Variants in ANKRD63 observed in about 807,000 individuals in gnomAD.
The protein encoded by ANKRD63 is ankyrin repeat domain-containing protein 63.
A neutral mutation model predicts 21.2 loss-of-function variants in ANKRD63; 18 were observed. The ratio of observed to expected loss-of-function variants is 0.85; its 90% CI spans 0.59 to 1.26. The LOEUF is 1.26. Among genes scored for constraint, ANKRD63 ranks in the 50% most tolerant of loss-of-function variants. The pLI, the probability that ANKRD63 is intolerant of heterozygous loss-of-function variation, is 0.00. For missense variants in ANKRD63, 523 were observed against 570.9 expected (o/e 0.92, Z 0.85); for synonymous variants, 322 against 273.3 (o/e 1.18, Z -1.76).
In ANKRD63 at chr15:40,281,980, T is replaced by G; in HGVS notation, c.607A>C (p.Ser203Arg). The change falls in exon 1 of 1, where the codon AGC (serine) becomes CGC (arginine). Residue 203 changes from serine to arginine, a missense_variant. Around this residue, in one of 2 missense-constraint regions of ANKRD63, gnomAD observed 308 missense variants for 290.4 expected, o/e 1.06. Transcript: ENST00000434396. ...SPPGRPAPAA[S>R]PEHRRPSPRR... The stretch of plus-strand genomic sequence containing the variant: ...GGGCTGGGTCGTCGATGCTCGGGGC[T>G]GGCCGCGGGGGCCGGGCGGCCAGGG... 1 of 1,222,030 alleles carries G rather than the reference T, an allele frequency of 8.2e-7. No homozygotes were observed. The highest frequency in any genetic ancestry group is 1.0e-6 in the Non-Finnish European group (1 of 983,238). The allele number at this position is 1,222,030 out of a possible 1,614,324, so 75.7% of individuals were successfully genotyped here.
At position 40,282,575 on chromosome 15, in the gene ANKRD63, G is replaced by A; in HGVS notation, c.12C>T (p.Pro4=). The A allele has an allele frequency of 7.0e-7, 1 of 1,428,438 alleles. No homozygotes were observed. The highest frequency in any genetic ancestry group is 9.1e-7 in the Non-Finnish European group (1 of 1,095,642). The allele number at this position is 1,428,438 out of a possible 1,614,324, so 88.5% of individuals were successfully genotyped here. Residue 4 remains proline (P), a synonymous_variant, in exon 1 of 1, where the codon CCC becomes CCT. Transcript: ENST00000434396. ...TCCCCGCTCGGGGGCACAGGTCCTT[G>A]GGTTTGAGCATGGCCCCGGCCGCCG... MLK[P]KDLCPRAGTR... is the part of the protein sequence containing the mutation.
rs975274966 is a variant in ANKRD63, at chr15:40,281,857, G to A, written c.730C>T (p.Arg244Trp). The A allele has an allele frequency of 2.7e-6, 4 of 1,507,644 alleles. No homozygotes were observed. The highest frequency in any genetic ancestry group is 1.8e-6 in the Non-Finnish European group (2 of 1,135,172). The allele number at this position is 1,507,644 out of a possible 1,614,324, so 93.4% of individuals were successfully genotyped here. Residue 244 changes from arginine (R) to tryptophan (W), a missense_variant, in exon 1 of 1, where the codon CGG (arginine) becomes TGG (tryptophan). Physicochemically the swap from Arg to Trp is moderately radical, Grantham distance 101 (BLOSUM62 -3). Coordinates refer to ENST00000434396, the MANE Select transcript of ANKRD63 (RefSeq NM_001190479.3). ...TCGGGCCGTTCGCTGCCCTGCGCCCGGTGCCGGCCCGAATTCTTGCCCGCT... is the reference window on the plus strand; with the variant it reads ...TCGGGCCGTTCGCTGCCCTGCGCCCAGTGCCGGCCCGAATTCTTGCCCGCT... ...GSAGKNSGRH[R>W]AQGSERPELG...
rs7180770 is a variant in ANKRD63 at position 40,281,204 on chromosome 15, C to T, written c.*240G>A. On this transcript the variant is annotated 3_prime_UTR_variant, in exon 1 of 1. Coordinates refer to ENST00000434396, the MANE Select transcript of ANKRD63 (RefSeq NM_001190479.3). Reference sequence around the variant, plus strand: ...AATCCACCTTCCTGGCTGTAGCCTACGGAACCAGTCAATCGACACCTCTAG... The same window carrying T: ...AATCCACCTTCCTGGCTGTAGCCTATGGAACCAGTCAATCGACACCTCTAG... 0.023 allele frequency among the ~76,000 whole-genome samples: 3,568 copies of T among 152,242 alleles called. 140 individuals carry two copies. Among genetic ancestry groups the T allele is most frequent in the African/African-American group, 0.081 (3,358 of 41,530 alleles).
rs1433419249 is a variant in ANKRD63 at position 40,282,370 on chromosome 15, G to C, written c.217C>G (p.Gln73Glu). 6.7e-7 allele frequency: 1 copy of C among 1,500,626 alleles called. No homozygotes were observed. Among genetic ancestry groups the C allele is most frequent in the South Asian group, 1.3e-5 (1 of 79,380 alleles). The allele number at this position is 1,500,626 out of a possible 1,614,324, so 93.0% of individuals were successfully genotyped here. ...TCTCGCAGGTTCACTGCAGCACCCT[G>C]CTCGAGCAGCAGCCGCACGAAGCGC... ...RARFVRLLLE[Q>E]GAAVNLRDER... Residue 73 changes from glutamine to glutamate, a missense_variant, in exon 1 of 1, where the codon CAG becomes GAG. Coordinates refer to ENST00000434396, the MANE Select transcript of ANKRD63 (RefSeq NM_001190479.3).
Position 40,278,614 on chromosome 15 carries a change from C to A in ANKRD63, c.*2830G>T, listed in dbSNP as rs1392700445. Among the ~76,000 whole-genome samples the A allele has an allele frequency of 6.6e-6, 1 of 152,044 alleles. No homozygotes were observed. Among genetic ancestry groups the A allele is most frequent in the Non-Finnish European group, 1.5e-5 (1 of 68,026 alleles). ...GAAGGTAGAGATTGCTAGAGAGGAC[C>A]CAGCCTCAACACCCTGGGGCTGACA... On this transcript the variant is annotated 3_prime_UTR_variant, in exon 1 of 1. Transcript: ENST00000434396.
chr15:40,282,560 G>C lies in ANKRD63; in HGVS notation c.27C>G (p.Pro9=). MLKPKDLC[P]RAGTRTFLEA... ...CCAGGAAGGTGCGCGTCCCCGCTCG[G>C]GGGCACAGGTCCTTGGGTTTGAGCA... Residue 9 remains proline, a synonymous_variant, in exon 1 of 1, where the codon CCC becomes CCG. Coordinates refer to ENST00000434396, the MANE Select transcript of ANKRD63 (RefSeq NM_001190479.3). 1 of 1,467,680 alleles carries C rather than the reference G, an allele frequency of 6.8e-7. No homozygotes were observed. The allele number at this position is 1,467,680 out of a possible 1,614,324, so 90.9% of individuals were successfully genotyped here.
In ANKRD63 at chr15:40,281,806, G is replaced by C. The variant is rs1009308176; in HGVS notation, c.781C>G (p.Leu261Val). The change falls in exon 1 of 1, where the codon CTA becomes GTA. Residue 261 changes from leucine to valine, a missense_variant. Leu to Val is a conservative substitution (Grantham distance 32, BLOSUM62 1). Transcript: ENST00000434396. ...PELGRSMSLA[L>V]GAVTEEEAAR... is the part of the protein sequence containing the mutation. ...GCCTCCTCCTCGGTTACCGCACCTA[G>C]AGCCAGGCTCATGCTCCGACCCAGC... 3.3e-6 allele frequency: 5 copies of C among 1,534,928 alleles called. No homozygotes were observed. The highest frequency in any genetic ancestry group is 4.4e-6 in the Non-Finnish European group (5 of 1,146,514).
In ANKRD63 at chr15:40,282,093, C is replaced by T; in HGVS notation, c.494G>A (p.Gly165Asp). The T allele has an allele frequency of 2.2e-6, 3 of 1,381,868 alleles. No individual in the cohort carries two copies. The highest frequency in any genetic ancestry group is 2.8e-6 in the Non-Finnish European group (3 of 1,078,638). The allele number at this position is 1,381,868 out of a possible 1,614,324, so 85.6% of individuals were successfully genotyped here. ...LTALQLAAARGHGTCVQALTG... is the reference protein window; with the variant it reads ...LTALQLAAARDHGTCVQALTG... ...GAGGGCCTGCACACAGGTCCCGTGG[C>T]CGCGGGCGGCGGCCAGTTGCAGCGC... The change falls in exon 1 of 1, where the codon GGC becomes GAC. Residue 165 changes from glycine (G) to aspartate (D), a missense_variant. Physicochemically the swap from Gly to Asp is moderately conservative, Grantham distance 94. Coordinates refer to ENST00000434396, the MANE Select transcript of ANKRD63 (RefSeq NM_001190479.3).
In ANKRD63 at chr15:40,282,084, G is replaced by C; in HGVS notation, c.503C>G (p.Thr168Ser). 1.5e-6 allele frequency: 2 copies of C among 1,376,416 alleles called. No homozygotes were observed. The highest frequency in any genetic ancestry group is 9.3e-7 in the Non-Finnish European group (1 of 1,075,930). The allele number at this position is 1,376,416 out of a possible 1,614,324, so 85.3% of individuals were successfully genotyped here. The change falls in exon 1 of 1, where the codon ACC becomes AGC. Residue 168 changes from threonine to serine, a missense_variant. Physicochemically the swap from Thr to Ser is moderately conservative, Grantham distance 58. Coordinates refer to ENST00000434396, the MANE Select transcript of ANKRD63 (RefSeq NM_001190479.3). ...GGGCCCGGTGAGGGCCTGCACACAG[G>C]TCCCGTGGCCGCGGGCGGCGGCCAG... ...LQLAAARGHG[T>S]CVQALTGPWG...
chr15:40,281,642 G>T lies in ANKRD63; in HGVS notation c.945C>A (p.His315Gln), dbSNP rs1296876832. ...LAQAPIGLSP[H>Q]PEGGPGSGRL... ...GGCCAGAGCCGGGGCCGCCCTCCGG[G>T]TGGGGACTGAGGCCAATGGGGGCTT... is the stretch of plus-strand genomic sequence containing the variant. The change falls in exon 1 of 1, where the codon CAC becomes CAA. Residue 315 changes from histidine to glutamine, a missense_variant. Transcript: ENST00000434396. The T allele has an allele frequency of 1.3e-6, 2 of 1,526,136 alleles. No homozygotes were observed. Among genetic ancestry groups the T allele is most frequent in the African/African-American group, 1.4e-5 (1 of 72,656 alleles). 94.5% of individuals were successfully genotyped at this position (1,526,136 alleles called of 1,614,324 possible). A position where few individuals can be genotyped will look rare whatever the true frequency, so the allele number is the denominator to read the frequency against.
chr15:40,281,959 T>G lies in ANKRD63; in HGVS notation c.628A>C (p.Ser210Arg), dbSNP rs983267178. Residue 210 changes from serine (S) to arginine (R), a missense_variant, in exon 1 of 1, where the codon AGC becomes CGC. By Grantham distance (110) the Ser-to-Arg change is moderately radical (BLOSUM62 -1). This residue lies in a region of ANKRD63 where 308 missense variants were observed against 290.4 expected (regional missense o/e 1.06). Transcript: ENST00000434396. The stretch of plus-strand genomic sequence containing the variant: ...AGAGGCCGCGGGAGGCGGCGGGGGC[T>G]GGGTCGTCGATGCTCGGGGCTGGCC... The part of the protein sequence containing the change: ...PAASPEHRRP[S>R]PRRLPRPLLA... The G allele has an allele frequency of 1.9e-4, 239 of 1,278,756 alleles. No homozygotes were observed. The highest frequency in any genetic ancestry group is 2.2e-4 in the Non-Finnish European group (223 of 1,015,408). 79.2% of individuals were successfully genotyped at this position (1,278,756 alleles called of 1,614,324 possible).
rs550110348 is a variant in ANKRD63, at chr15:40,281,213, T to C, written c.*231A>G. Among the ~76,000 whole-genome samples, 2 of 152,114 alleles carry C rather than the reference T, an allele frequency of 1.3e-5. No homozygotes were observed. The highest frequency in any genetic ancestry group is 6.5e-5 in the Admixed American group (1 of 15,292). ...TCCTGGCTGTAGCCTACGGAACCAG[T>C]CAATCGACACCTCTAGACCTAGGCA... On this transcript the variant is annotated 3_prime_UTR_variant, in exon 1 of 1. Transcript: ENST00000434396.
At position 40,281,502 on chromosome 15, in the gene ANKRD63, G is replaced by C; in HGVS notation, c.1085C>G (p.Pro362Arg). The change falls in exon 1 of 1, where the codon CCT becomes CGT. Residue 362 changes from proline (P) to arginine (R), a missense_variant. Transcript: ENST00000434396. ...LEANALSVSV[P>R]GPNPWQAGTE... Reference sequence around the variant, plus strand: ...GCCCGCCTGCCAAGGGTTCGGCCCAGGCACCGAGACAGACAGAGCGTTGGC... The same window carrying C: ...GCCCGCCTGCCAAGGGTTCGGCCCACGCACCGAGACAGACAGAGCGTTGGC... The C allele has an allele frequency of 6.8e-7, 1 of 1,476,372 alleles. No individual in the cohort carries two copies. Among genetic ancestry groups the C allele is most frequent in the Non-Finnish European group, 8.9e-7 (1 of 1,117,956 alleles). The allele number at this position is 1,476,372 out of a possible 1,614,324, so 91.5% of individuals were successfully genotyped here.
In ANKRD63 at chr15:40,282,720, G is replaced by A. The variant is rs1315253926; in HGVS notation, c.-134C>T. The A allele has an allele frequency of 1.7e-5, 11 of 659,334 alleles. No homozygotes were observed. The allele number at this position is 659,334 out of a possible 1,614,324, so 40.8% of individuals were successfully genotyped here. Reference sequence around the variant, plus strand: ...CGCGCGTGGGCGGCTGCAGCCGAGGGTCCCGAGGTTCCTACTCCGCTGTCC... The same window carrying A: ...CGCGCGTGGGCGGCTGCAGCCGAGGATCCCGAGGTTCCTACTCCGCTGTCC... On this transcript the variant is annotated 5_prime_UTR_variant, in exon 1 of 1. Transcript: ENST00000434396.
Position 40,281,380 on chromosome 15 carries a change from A to T in ANKRD63, c.*64T>A. 7.7e-7 allele frequency: 1 copy of T among 1,290,630 alleles called. No individual in the cohort carries two copies. Among genetic ancestry groups the T allele is most frequent in the Non-Finnish European group, 9.9e-7 (1 of 1,005,634 alleles). The allele number at this position is 1,290,630 out of a possible 1,614,324, so 79.9% of individuals were successfully genotyped here. On this transcript the variant is annotated 3_prime_UTR_variant, in exon 1 of 1. Transcript: ENST00000434396. Reference sequence around the variant, plus strand: ...GCCGAAAAGGTGAGGGACCTAGAAGAGAGAAATACCAGTGGAGTAGAAACG... The same window carrying T: ...GCCGAAAAGGTGAGGGACCTAGAAGTGAGAAATACCAGTGGAGTAGAAACG...
At position 40,282,308 on chromosome 15, in the gene ANKRD63, C is replaced by T. The variant is rs578184372; in HGVS notation, c.279G>A (p.Glu93=). Residue 93 remains glutamate (E), a synonymous_variant, in exon 1 of 1, where the codon GAG becomes GAA. Transcript: ENST00000434396. ...RGRTALSLAC[E]RGHLDAVQLL... is the part of the protein sequence containing the mutation. ...GCTGCACGGCGTCCAGGTGGCCTCGCTCGCACGCCAGGCTGAGTGCGGTGC... is the reference window on the plus strand; with the variant it reads ...GCTGCACGGCGTCCAGGTGGCCTCGTTCGCACGCCAGGCTGAGTGCGGTGC... 81 of 1,518,944 alleles carry T rather than the reference C, an allele frequency of 5.3e-5. No homozygotes were observed. In the African/African-American group the frequency reaches 8.8e-4, roughly 17 times the overall value. 94.1% of individuals were successfully genotyped at this position (1,518,944 alleles called of 1,614,324 possible). A position where few individuals can be genotyped will look rare whatever the true frequency, so the allele number is the denominator to read the frequency against.
chr15:40,281,773 G>A lies in ANKRD63; in HGVS notation c.814C>T (p.Leu272=), dbSNP rs1008894965. Residue 272 remains leucine, a synonymous_variant, in exon 1 of 1, where the codon CTG becomes TTG. Transcript: ENST00000434396. ...AGGGCCATCAGGGCCCCAGCCCGCAGGCGGGCAGCCTCCTCCTCGGTTACC... is the reference window on the plus strand; with the variant it reads ...AGGGCCATCAGGGCCCCAGCCCGCAAGCGGGCAGCCTCCTCCTCGGTTACC... ...GAVTEEEAAR[L]RAGALMALPN... is the part of the protein sequence containing the mutation. 1 of 1,535,096 alleles carries A rather than the reference G, an allele frequency of 6.5e-7. No homozygotes were observed. The highest frequency in any genetic ancestry group is 8.7e-7 in the Non-Finnish European group (1 of 1,146,510).
At position 40,280,280 on chromosome 15, in the gene ANKRD63, C is replaced by G. The variant is rs1184919085; in HGVS notation, c.*1164G>C. 1.3e-5 allele frequency among the ~76,000 whole-genome samples: 2 copies of G among 152,250 alleles called. No homozygotes were observed. Among genetic ancestry groups the G allele is most frequent in the African/African-American group, 4.8e-5 (2 of 41,462 alleles). Reference sequence around the variant, plus strand: ...ATATAATTTAAACCTGGACCCGCAGCTCGTGTGGGCTCCCGACTCCCGCGC... The same window carrying G: ...ATATAATTTAAACCTGGACCCGCAGGTCGTGTGGGCTCCCGACTCCCGCGC... On this transcript the variant is annotated 3_prime_UTR_variant, in exon 1 of 1. Coordinates refer to ENST00000434396, the MANE Select transcript of ANKRD63 (RefSeq NM_001190479.3).
At position 40,281,852 on chromosome 15, in the gene ANKRD63, C is replaced by T. The variant is rs1373496056; in HGVS notation, c.735G>A (p.Ala245=). Residue 245 remains alanine, a synonymous_variant, in exon 1 of 1, where the codon GCG becomes GCA. Transcript: ENST00000434396. The stretch of plus-strand genomic sequence containing the variant: ...CCAGCTCGGGCCGTTCGCTGCCCTG[C>T]GCCCGGTGCCGGCCCGAATTCTTGC... ...SAGKNSGRHR[A]QGSERPELGR... 1.6e-5 allele frequency: 25 copies of T among 1,521,370 alleles called. No homozygotes were observed. Among genetic ancestry groups the T allele is most frequent in the Non-Finnish European group, 1.8e-5 (21 of 1,140,482 alleles). 94.2% of individuals were successfully genotyped at this position (1,521,370 alleles called of 1,614,324 possible). A position where few individuals can be genotyped will look rare whatever the true frequency, so the allele number is the denominator to read the frequency against.
Sources: allele counts gnomAD v4.1 joint callset (sites outside exome capture counted in the v4.1 genomes callset), GRCh38; gene constraint gnomAD v4.1.1; regional missense constraint gnomAD v4.1.1; transcripts MANE v1.5; gene names NCBI Gene and HGNC (gene_info 2026-07-23, HGNC 2026-07-21).